The following ATP10A variants were observed in gnomAD, a reference collection of about 807,000 sequenced individuals.
The protein encoded by ATP10A is ATPase phospholipid transporting 10A (putative).
In ATP10A, 111 loss-of-function variants were observed where a neutral mutation model predicts 147.8. That is an observed-to-expected ratio of 0.75 (90% CI 0.64 to 0.88). ATP10A has a LOEUF of 0.88. Among genes scored for constraint, ATP10A ranks in the 40% least tolerant of loss-of-function variants. ATP10A has a pLI of 0.00. For synonymous variants in ATP10A, 875 were observed against 841.6 expected (o/e 1.04, Z -0.69); for missense variants, 1,927 against 1,959.0 (o/e 0.98, Z 0.31).
At chr15:25,731,675 A>G (rs183440485) in intron 3 of ATP10A, among the ~76,000 whole-genome samples, 83 of 152,244 alleles carry the variant, frequency 5.5e-4, no homozygotes, top group Admixed American at 3.4e-3. Flanking sequence ...AAGGTGGGGA[A>G]CGATGTTACT....
intron 14 of ATP10A, among the ~76,000 whole-genome samples, chr15:25,692,349 A>ATTT (rs1900083523): frequency 6.6e-6 from 1 of 152,202 alleles, no homozygotes; most frequent in Non-Finnish European, 1.5e-5. Context: ...TTGATAGAAA[A>ATTT]TGTTTAGGAA....
At chr15:25,699,116 A>C (rs1038788799) in intron 13 of ATP10A, among the ~76,000 whole-genome samples, 7 of 152,146 alleles carry the variant, frequency 4.6e-5, no homozygotes, top group Non-Finnish European at 1.0e-4. Flanking sequence ...GAAGGCAACA[A>C]ATAAGAAGAC....
intron 13 of ATP10A, among the ~76,000 whole-genome samples, chr15:25,698,272 C>G (rs1900463199): frequency 6.6e-6 from 1 of 152,170 alleles, no homozygotes; most frequent in Non-Finnish European, 1.5e-5. Context: ...CAGTTTTTCT[C>G]TAAATTTGAA....
At chr15:25,734,331 A>T (rs4262918) in intron 3 of ATP10A, among the ~76,000 whole-genome samples, 9 of 152,008 alleles carry the variant, frequency 5.9e-5, no homozygotes, top group Non-Finnish European at 1.0e-4. Flanking sequence ...TTCAGAAGAG[A>T]AAGTCGGCCC....
At chr15:25,784,908 C>T (rs1203958627) in intron 1 of ATP10A, among the ~76,000 whole-genome samples, 6 of 148,828 alleles carry the variant, frequency 4.0e-5, no homozygotes, top group Non-Finnish European at 7.4e-5. Context: ...GGTGACGGAG[C>T]GAGACCCCGT....
At chr15:25,749,899 G>C (rs892019722) in intron 2 of ATP10A, among the ~76,000 whole-genome samples, 1 of 151,986 alleles carries the variant, frequency 6.6e-6, no homozygotes, top group African/African-American at 2.4e-5. Context: ...TAGTGAACTT[G>C]AAAAATAGTA....
chr15:25,795,068 G>T (rs1488039562), intron 1 of ATP10A, among the ~76,000 whole-genome samples: 2 of 152,154 alleles, frequency 1.3e-5, no homozygotes, highest in African/African-American at 4.8e-5. Context: ...AAATCACAGT[G>T]GTTCTCTCCT....
chr15:25,730,454 T>C (rs1229361783), intron 3 of ATP10A, among the ~76,000 whole-genome samples: 1 of 152,152 alleles, frequency 6.6e-6, no homozygotes, highest in Non-Finnish European at 1.5e-5. Context: ...GGCATCTCCC[T>C]GGTCATGAGT....
At chr15:25,713,483 G>T (rs143791600) in intron 10 of ATP10A, among the ~76,000 whole-genome samples, 191 bp downstream of exon 10, 1 of 152,328 alleles carries the variant, frequency 6.6e-6, no homozygotes, top group African/African-American at 2.4e-5. Context: ...GAAGTCCCCT[G>T]AATACTTCCT....
intron 1 of ATP10A, among the ~76,000 whole-genome samples, chr15:25,791,935 G>A (rs1439920673): frequency 6.6e-6 from 1 of 152,104 alleles, no homozygotes; most frequent in East Asian, 1.9e-4. Flanking sequence ...CTATGTCCCT[G>A]TATTATACAT....
chr15:25,694,612 A>G (rs1270023820), intron 14 of ATP10A, among the ~76,000 whole-genome samples: 1 of 152,228 alleles, frequency 6.6e-6, no homozygotes, highest in East Asian at 1.9e-4. Context: ...TTGCAGCATG[A>G]ACCTGTAACT....
chr15:25,831,774 C>T (rs544441289), intron 1 of ATP10A, among the ~76,000 whole-genome samples: 1 of 152,264 alleles, frequency 6.6e-6, no homozygotes, highest in African/African-American at 2.4e-5. Flanking sequence ...ACCTTCTGAA[C>T]CTCCTGCTGT....
chr15:25,718,379 G>C lies in ATP10A; in HGVS notation c.1384C>G (p.Gln462Glu). The change falls in exon 8 of 21, where the codon CAA (glutamine) becomes GAA (glutamate). Residue 462 changes from glutamine (Q) to glutamate (E), a missense_variant. Coordinates refer to ENST00000555815, the MANE Select transcript of ATP10A (RefSeq NM_024490.4). ...TCCTCCTCCTCCGAGTCTGCCTCTTGGTACCTGGCCAGACGCTGCGCTGCG... is the reference window on the plus strand; with the variant it reads ...TCCTCCTCCTCCGAGTCTGCCTCTTCGTACCTGGCCAGACGCTGCGCTGCG... ...DANAQRLARY[Q>E]EADSEEEEVV... 2 of 1,605,316 alleles carry C rather than the reference G, an allele frequency of 1.2e-6. No individual in the cohort carries two copies. The highest frequency in any genetic ancestry group is 1.7e-6 in the Non-Finnish European group (2 of 1,178,100).
downstream of ATP10A, among the ~76,000 whole-genome samples, chr15:25,674,453 G>A (rs528530602): frequency 1.7e-3 from 252 of 152,222 alleles, no homozygotes; most frequent in African/African-American, 5.8e-3. Context: ...TAACTCAGAC[G>A]GCCCAGCTAG....
chr15:25,789,436 C>T (rs1159469645), intron 1 of ATP10A, among the ~76,000 whole-genome samples: 1 of 152,078 alleles, frequency 6.6e-6, no homozygotes, highest in East Asian at 1.9e-4. Flanking sequence ...GTGAGGCGAG[C>T]CCTAAATGGG....
intron 3 of ATP10A, among the ~76,000 whole-genome samples, chr15:25,735,539 A>G (rs1887219908): frequency 1.3e-5 from 2 of 152,138 alleles, no homozygotes; most frequent in African/African-American, 4.8e-5. Context: ...ATTTGTTTTA[A>G]TTGTCTTTCT....
chr15:25,800,801 A>G (rs1890903049), intron 1 of ATP10A, among the ~76,000 whole-genome samples: 1 of 152,162 alleles, frequency 6.6e-6, no homozygotes, highest in South Asian at 2.1e-4. Flanking sequence ...TAACTATTTT[A>G]ACCATGTCTT....
chr15:25,675,714 G>A (rs1287262680), downstream of ATP10A, among the ~76,000 whole-genome samples: 1 of 152,240 alleles, frequency 6.6e-6, no homozygotes, highest in African/African-American at 2.4e-5. Flanking sequence ...GGGACGCTAA[G>A]GCAGGCAGAT....
chr15:25,755,803 C>T (rs1888378842), intron 2 of ATP10A, among the ~76,000 whole-genome samples: 1 of 152,164 alleles, frequency 6.6e-6, no homozygotes. Context: ...AAAAGTCCAA[C>T]TCTGGAACTA....
Sources: gnomAD v4.1 joint callset for allele counts (sites outside exome capture counted in the v4.1 genomes callset) on GRCh38, gnomAD v4.1.1 for gene constraint, MANE v1.5 for transcripts, NCBI Gene and HGNC (gene_info 2026-07-23, HGNC 2026-07-21) for gene names.